The following PREX2 variants were observed in gnomAD, a reference collection of about 807,000 sequenced individuals.
PREX2 encodes the protein phosphatidylinositol-3,4,5-trisphosphate dependent Rac exchange factor 2, also known as phosphatidylinositol 3,4,5-trisphosphate-dependent Rac exchanger 2 protein.
Under a neutral mutation model 203.2 loss-of-function variants are expected in PREX2, and 107 were observed. The ratio of observed to expected loss-of-function variants is 0.53; its 90% CI spans 0.45 to 0.62. The LOEUF is 0.62. PREX2 is among the 20% of genes least tolerant of loss of function. The probability of loss-of-function intolerance (pLI) is 0.00; values close to 1 mark genes in which losing one functional copy is unlikely to be tolerated. For missense variants in PREX2, 1,777 were observed against 1,955.9 expected (o/e 0.91, Z 1.72); for synonymous variants, 672 against 663.6 (o/e 1.01, Z -0.19).
At chr8:68,203,094 C>T (rs1166446098) in intron 37 of PREX2, among the ~76,000 whole-genome samples, 1 of 152,132 alleles carries the variant, frequency 6.6e-6, no homozygotes, top group Non-Finnish European at 1.5e-5. Context: ...TCACAGACAC[C>T]CCTGGGACAG....
chr8:68,036,541 A>G (rs57045650), intron 6 of PREX2, among the ~76,000 whole-genome samples: 5,318 of 152,264 alleles, frequency 0.035, 286 homozygotes, highest in African/African-American at 0.12. Context: ...TGAAATTGCT[A>G]TAAATTAATA....
At chr8:68,044,641 C>A (rs1223904085) in intron 8 of PREX2, 51 bp downstream of exon 8, 2 of 1,248,504 alleles carry the variant, frequency 1.6e-6, no homozygotes, top group Non-Finnish European at 2.4e-6. Flanking sequence ...ATAGAAAACT[C>A]CTTTGTAAGA....
chr8:68,030,490 T>A lies in PREX2; in HGVS notation c.544-7T>A, dbSNP rs747280179. The A allele has an allele frequency of 1.2e-6, 2 of 1,612,130 alleles. No individual in the cohort carries two copies. Among genetic ancestry groups the A allele is most frequent in the Non-Finnish European group, 1.7e-6 (2 of 1,178,900 alleles). On this transcript the variant is annotated splice_polypyrimidine_tract_variant and splice_region_variant and intron_variant, in intron 5 of 39. Coordinates refer to ENST00000288368, the MANE Select transcript of PREX2 (RefSeq NM_024870.4). ...AAAGGGCGATTTGTTTTTTTGTGTA[T>A]AAACAGGAGTTGCTGAAGCGGACTC...
chr8:68,211,982 C>A (rs1812750379), intron 37 of PREX2, among the ~76,000 whole-genome samples: 1 of 152,122 alleles, frequency 6.6e-6, no homozygotes, highest in Non-Finnish European at 1.5e-5. Flanking sequence ...ACAAATTGTT[C>A]TTTGATATCA....
intron 8 of PREX2, among the ~76,000 whole-genome samples, chr8:68,051,053 A>G (rs79348744): frequency 0.015 from 2,260 of 152,228 alleles, 47 homozygotes; most frequent in African/African-American, 0.051. Flanking sequence ...TTTTGAGCTA[A>G]GAAGTGGCCT....
Position 68,061,006 on chromosome 8 carries a change from A to G in PREX2, c.1339+227A>G, listed in dbSNP as rs542364962. On this transcript the variant is annotated intron_variant, in intron 11 of 39. Coordinates refer to ENST00000288368, the MANE Select transcript of PREX2 (RefSeq NM_024870.4). Reference sequence around the variant, plus strand: ...GAGCTTCAATACAGGCAAGTGTTAGAAAATAGAGAAGTGGGATTGTGGAGG... The same window carrying G: ...GAGCTTCAATACAGGCAAGTGTTAGGAAATAGAGAAGTGGGATTGTGGAGG... Among the ~76,000 whole-genome samples, 4 of 152,278 alleles carry G rather than the reference A, an allele frequency of 2.6e-5. No individual in the cohort carries two copies. The East Asian group carries it at 5.8e-4, about 22-fold the overall frequency.
At chr8:67,961,548 T>A (rs1805633316) in intron 1 of PREX2, among the ~76,000 whole-genome samples, 1 of 152,266 alleles carries the variant, frequency 6.6e-6, no homozygotes, top group Middle Eastern at 3.4e-3. Flanking sequence ...GTAGTAAATG[T>A]TTCATTGATT....
At chr8:68,120,825 C>A in intron 29 of PREX2, 96 bp from the exon 30 acceptor site, 1 of 1,045,904 alleles carries the variant, frequency 9.6e-7, no homozygotes, top group Non-Finnish European at 1.4e-6. Flanking sequence ...TGTCAATAGT[C>A]TAGGACAACA....
chr8:68,098,938 G>GTGTATATATATATATA (rs1352978343), intron 22 of PREX2, among the ~76,000 whole-genome samples: 1 of 109,820 alleles, frequency 9.1e-6, no homozygotes, highest in African/African-American at 3.8e-5. Flanking sequence ...ATATATATGT[G>GTGTATATATATATATA]TATATATATA....
At chr8:67,971,765 A>G (rs971781647) in intron 1 of PREX2, among the ~76,000 whole-genome samples, 1 of 152,202 alleles carries the variant, frequency 6.6e-6, no homozygotes, top group African/African-American at 2.4e-5. Flanking sequence ...TAAAGTTTTG[A>G]TTTAACTTAG....
intron 2 of PREX2, among the ~76,000 whole-genome samples, chr8:68,018,347 A>G (rs1454619508): frequency 6.6e-6 from 1 of 152,102 alleles, no homozygotes; most frequent in East Asian, 1.9e-4. Context: ...CATGCGTGTA[A>G]TCCTAGCTAC....
rs72660820 is a variant in PREX2, at chr8:67,969,392, C to G, written c.141+16857C>G. ...CTCAGGTATTCTGGTCTCATCACCC[C>G]CTGTATCTTTTCTCATGCAGGAGCC... On this transcript the variant is annotated intron_variant, in intron 1 of 39. Coordinates refer to ENST00000288368, the MANE Select transcript of PREX2 (RefSeq NM_024870.4). 1.7e-3 allele frequency among the ~76,000 whole-genome samples: 265 copies of G among 152,176 alleles called. 2 individuals are homozygous for G. Among genetic ancestry groups the G allele is most frequent in the African/African-American group, 4.2e-3 (176 of 41,538 alleles).
At chr8:68,231,243 T>C in intron 39 of PREX2, 90 bp from the exon 40 acceptor site, 7 of 906,100 alleles carry the variant, frequency 7.7e-6, no homozygotes, top group Non-Finnish European at 1.1e-5. Context: ...AACAAGAAAT[T>C]ATCATCAATG....
intron 37 of PREX2, among the ~76,000 whole-genome samples, chr8:68,209,419 C>T (rs888592221): frequency 3.3e-5 from 5 of 152,106 alleles, no homozygotes; most frequent in Non-Finnish European, 5.9e-5. Flanking sequence ...GTTCTAAGAA[C>T]TAAATCTGTA....
At chr8:68,228,765 CTAAATAAATAAATAAATAAATAAA>C (rs59480721) in intron 39 of PREX2, among the ~76,000 whole-genome samples, 1 of 140,604 alleles carries the variant, frequency 7.1e-6, no homozygotes, top group East Asian at 2.1e-4. Flanking sequence ...GACTCCGTCT[CTAAATAAATAAATAAATAAATAAA>C]TAAATAAATA....
chr8:67,980,482 A>G (rs1462443011), intron 1 of PREX2, among the ~76,000 whole-genome samples: 1 of 152,246 alleles, frequency 6.6e-6, no homozygotes, highest in African/African-American at 2.4e-5. Context: ...TTCTCAGAAC[A>G]AAAAGTAGTT....
chr8:68,198,036 T>C (rs893652457), intron 37 of PREX2, among the ~76,000 whole-genome samples: 7 of 152,068 alleles, frequency 4.6e-5, no homozygotes, highest in Non-Finnish European at 5.9e-5. Context: ...AGCCAAACGC[T>C]TAGATAAAAT....
chr8:68,215,286 GT>G (rs1176734030), intron 37 of PREX2, among the ~76,000 whole-genome samples: 2 of 152,174 alleles, frequency 1.3e-5, no homozygotes, highest in African/African-American at 4.8e-5. Context: ...TTGTTTATAA[GT>G]GAGTACACGA....
intron 10 of PREX2, among the ~76,000 whole-genome samples, chr8:68,058,925 T>G (rs1434779): frequency 0.3 from 45,024 of 151,968 alleles, 6,800 homozygotes; most frequent in Admixed American, 0.32. Context: ...CTTCTGAATT[T>G]GTTATGCAGC....
Sources: gnomAD v4.1 joint callset for allele counts (sites outside exome capture counted in the v4.1 genomes callset) on GRCh38, gnomAD v4.1.1 for gene constraint, MANE v1.5 for transcripts, NCBI Gene and HGNC (gene_info 2026-07-23, HGNC 2026-07-21) for gene names.